Variants in ADGRD1 observed in about 807,000 individuals in gnomAD.
The protein encoded by ADGRD1 is G-protein coupled receptor 133.
A neutral mutation model predicts 113.4 loss-of-function variants in ADGRD1; 77 were observed. The ratio of observed to expected loss-of-function variants is 0.68; its 90% CI spans 0.57 to 0.82. The LOEUF is 0.82. ADGRD1 is among the 40% of genes least tolerant of loss of function. The pLI is 0.00. For synonymous variants in ADGRD1, 474 were observed against 475.0 expected, an observed-to-expected ratio of 1.00 and a Z score of 0.03; for missense variants, 1,036 against 1,139.1, an observed-to-expected ratio of 0.91 and a Z score of 1.30.
At chr12:131,006,131 C>T (rs1031484057) in intron 12 of ADGRD1, 84 bp downstream of exon 12, 45 of 1,118,256 alleles carry the variant, frequency 4.0e-5, no homozygotes, top group Middle Eastern at 4.0e-4. Context: ...CCGCCCCACA[C>T]GCACAACACT....
chr12:131,127,736 T>G (rs1403061126), intron 20 of ADGRD1, among the ~76,000 whole-genome samples: 124 of 108,106 alleles, frequency 1.1e-3, no homozygotes, highest in East Asian at 2.4e-3. Context: ...GTGTTGGTTG[T>G]GTTGGTTGTG....
intron 12 of ADGRD1, among the ~76,000 whole-genome samples, chr12:131,006,659 G>A (rs1338298554): frequency 6.6e-6 from 1 of 152,058 alleles, no homozygotes; most frequent in Non-Finnish European, 1.5e-5. Context: ...GAGCAAGGAG[G>A]GTGGGGACCA....
chr12:131,134,119 T>G (rs1040806129), intron 21 of ADGRD1, among the ~76,000 whole-genome samples: 1 of 152,186 alleles, frequency 6.6e-6, no homozygotes, highest in African/African-American at 2.4e-5. Context: ...ATGGTCAGGT[T>G]TTACAAGTGG....
chr12:131,003,346 G>C lies in ADGRD1; in HGVS notation c.1144+44G>C, dbSNP rs754191350. 2.3e-6 allele frequency: 3 copies of C among 1,322,568 alleles called. No individual in the cohort carries two copies. The highest frequency in any genetic ancestry group is 2.3e-5 in the East Asian group (1 of 43,534). 81.9% of individuals were successfully genotyped at this position (1,322,568 alleles called of 1,614,324 possible). ...GGTGAGCCACATGGCAGGGGCGGGG[G>C]CTGGAGGCTGCGTTTCACTGCCTGT... On this transcript the variant is annotated intron_variant, in intron 10 of 24. Transcript: ENST00000261654. The surrounding 1 kb of genome is among the most constrained non-coding windows in gnomAD (Gnocchi z 4.8).
intron 13 of ADGRD1, among the ~76,000 whole-genome samples, chr12:131,052,731 C>G (rs1258000276): frequency 1.3e-5 from 2 of 152,160 alleles, no homozygotes; most frequent in Non-Finnish European, 2.9e-5. Flanking sequence ...GCCAAAACAA[C>G]CCACCTCTAG....
At chr12:131,082,407 C>T (rs964352464) in intron 14 of ADGRD1, among the ~76,000 whole-genome samples, 1 of 152,198 alleles carries the variant, frequency 6.6e-6, no homozygotes, top group Non-Finnish European at 1.5e-5. Context: ...AGTAGATCTT[C>T]ATTGATGCCA....
intron 20 of ADGRD1, among the ~76,000 whole-genome samples, chr12:131,126,009 G>A (rs1255563452): frequency 6.6e-6 from 1 of 152,222 alleles, no homozygotes; most frequent in African/African-American, 2.4e-5. Flanking sequence ...ACCTTCCTAA[G>A]TTAGGAACTG....
intron 15 of ADGRD1, among the ~76,000 whole-genome samples, chr12:131,099,120 T>C (rs1265254767): frequency 6.6e-6 from 1 of 152,178 alleles, no homozygotes; most frequent in Non-Finnish European, 1.5e-5. Context: ...GCCCCGGGGA[T>C]TCAGAATTAA....
At chr12:131,092,289 T>C (rs1886961859) in intron 15 of ADGRD1, among the ~76,000 whole-genome samples, 1 of 152,162 alleles carries the variant, frequency 6.6e-6, no homozygotes, top group Non-Finnish European at 1.5e-5. Context: ...ATGAAGGTGC[T>C]GGGCATGGGG....
intron 22 of ADGRD1, 94 bp from the exon 23 acceptor site, chr12:131,136,879 C>A: frequency 3.0e-6 from 3 of 990,646 alleles, no homozygotes; most frequent in Non-Finnish European, 4.9e-6. Flanking sequence ...TGTGCGGTGC[C>A]AGTGCCACTC....
chr12:130,998,366 C>A (rs944146638), intron 8 of ADGRD1, among the ~76,000 whole-genome samples: 2 of 152,226 alleles, frequency 1.3e-5, no homozygotes, highest in Admixed American at 1.3e-4. Flanking sequence ...ATGAGTCATG[C>A]AGATTTACCC....
chr12:131,059,685 T>C (rs925425965), intron 13 of ADGRD1, among the ~76,000 whole-genome samples: 1 of 152,230 alleles, frequency 6.6e-6, no homozygotes, highest in African/African-American at 2.4e-5. Flanking sequence ...AGCTTAGGCA[T>C]GCTCAGCCGG....
intron 13 of ADGRD1, among the ~76,000 whole-genome samples, chr12:131,047,959 G>T (rs1022359613): frequency 6.6e-6 from 1 of 152,204 alleles, no homozygotes; most frequent in Non-Finnish European, 1.5e-5. Context: ...ATGGGGCTCT[G>T]CCAGTCATCT....
At position 131,136,021 on chromosome 12, in the gene ADGRD1, C is replaced by A; in HGVS notation, c.2268-16C>A. The A allele has an allele frequency of 6.2e-7, 1 of 1,613,910 alleles. No individual in the cohort carries two copies. Among genetic ancestry groups the A allele is most frequent in the Non-Finnish European group, 8.5e-7 (1 of 1,179,872 alleles). On this transcript the variant is annotated splice_polypyrimidine_tract_variant and intron_variant, in intron 21 of 24. Coordinates refer to ENST00000261654, the MANE Select transcript of ADGRD1 (RefSeq NM_198827.5). ...CCCTCCTGCCACTCAGGGTGACTGT[C>A]ACTGTTTCTCTCCAGGTTGACAGCC...
Position 130,971,492 on chromosome 12 carries a change from C to T in ADGRD1, c.222C>T (p.Tyr74=), listed in dbSNP as rs755782859. ...AAGGGAAGGTCAACAAAGGCATTTA[C>T]CTGAAAGAGGAAAAGGGAGTCACGC... The part of the protein sequence containing the change: ...IVEGKVNKGI[Y]LKEEKGVTLL... Residue 74 remains tyrosine (Y), a synonymous_variant, in exon 4 of 25, where the codon TAC becomes TAT. Transcript: ENST00000261654. The surrounding 1 kb of genome is among the most constrained non-coding windows in gnomAD (Gnocchi z 4.2). 3 of 1,613,420 alleles carry T rather than the reference C, an allele frequency of 1.9e-6. No individual in the cohort carries two copies. The highest frequency in any genetic ancestry group is 2.5e-6 in the Non-Finnish European group (3 of 1,179,652).
At chr12:131,108,417 G>A (rs1282224436) in intron 17 of ADGRD1, among the ~76,000 whole-genome samples, 1 of 152,114 alleles carries the variant, frequency 6.6e-6, no homozygotes, top group Non-Finnish European at 1.5e-5. Flanking sequence ...TGAGTCATGT[G>A]CCCATCCCTG....
intron 13 of ADGRD1, among the ~76,000 whole-genome samples, chr12:131,048,042 G>A (rs1305892711): frequency 2.0e-5 from 3 of 152,188 alleles, no homozygotes; most frequent in South Asian, 4.1e-4. Flanking sequence ...GGGGGTTGGG[G>A]GCTTCACATG....
In ADGRD1 at chr12:131,137,027, T is replaced by G; in HGVS notation, c.2436+13T>G. 6.2e-7 allele frequency: 1 copy of G among 1,607,586 alleles called. No homozygotes were observed. Among genetic ancestry groups the G allele is most frequent in the Non-Finnish European group, 8.5e-7 (1 of 1,173,998 alleles). ...CCTGAATTCAGAGGTACGTCCGCTC[T>G]GCTTGCTGGCAGGTGCAGGTGCAGC... On this transcript the variant is annotated intron_variant, in intron 23 of 24. Coordinates refer to ENST00000261654, the MANE Select transcript of ADGRD1 (RefSeq NM_198827.5).
intron 20 of ADGRD1, among the ~76,000 whole-genome samples, chr12:131,128,305 G>GTTGA (rs1395605153): frequency 6.6e-6 from 1 of 151,850 alleles, no homozygotes. Context: ...TGGGGTGTTG[G>GTTGA]TTGATGGGAA....
Sources: gnomAD v4.1 joint callset for allele counts (sites outside exome capture counted in the v4.1 genomes callset) on GRCh38, gnomAD v4.1.1 for gene constraint, Gnocchi (gnomAD v3.1) non-coding constraint, MANE v1.5 for transcripts, NCBI Gene and HGNC (gene_info 2026-07-23, HGNC 2026-07-21) for gene names.